ADAMTSL3: variants seen among roughly 807,000 people sequenced by gnomAD.
ADAMTSL3 encodes the protein ADAMTS like 3, also known as ADAMTS-like protein 3.
In ADAMTSL3, 128 loss-of-function variants were observed where a neutral mutation model predicts 201.7. The observed-to-expected ratio is 0.63, with a 90% CI of 0.55 to 0.73. The LOEUF (loss-of-function observed/expected upper bound fraction) is 0.73, where lower values mean the gene tolerates loss of function less well. ADAMTSL3 is among the 30% of genes least tolerant of loss of function. ADAMTSL3 has a pLI of 0.00. For missense variants in ADAMTSL3, 1,990 were observed against 2,119.6 expected (o/e 0.94, Z 1.20); for synonymous variants, 738 against 748.4 (o/e 0.99, Z 0.23).
intron 27 of ADAMTSL3, 71 bp downstream of exon 27, chr15:84,025,507 GT>G: frequency 6.9e-7 from 1 of 1,452,922 alleles, no homozygotes; most frequent in Non-Finnish European, 9.3e-7. Flanking sequence ...TAATCACCTT[GT>G]TTCCAATAAA....
chr15:84,021,246 GA>G (rs2141911843), intron 25 of ADAMTSL3, among the ~76,000 whole-genome samples, 163 bp from the exon 26 acceptor site: 1 of 152,316 alleles, frequency 6.6e-6, no homozygotes, highest in South Asian at 2.1e-4. Context: ...TTAGTTGAGG[GA>G]AAATAAGATT....
intron 4 of ADAMTSL3, among the ~76,000 whole-genome samples, chr15:83,785,030 C>T (rs1020462171): frequency 6.6e-6 from 1 of 152,060 alleles, no homozygotes; most frequent in East Asian, 1.9e-4. Context: ...CTTTGAGTCC[C>T]CATTTCTTCC....
chr15:84,021,535 C>A lies in ADAMTSL3; in HGVS notation c.4399C>A (p.His1467Asn). ...GGAAGTGAGTGAGGCCCTGTGTGATCACCTCCAGAAGCCACTGGCTGGGTT... is the reference window on the plus strand; with the variant it reads ...GGAAGTGAGTGAGGCCCTGTGTGATAACCTCCAGAAGCCACTGGCTGGGTT... Reference protein sequence around the residue: ...GQEVSEALCDHLQKPLAGFEP... With the variant: ...GQEVSEALCDNLQKPLAGFEP... The change falls in exon 26 of 30, where the codon CAC (histidine) becomes AAC (asparagine). Residue 1467 changes from histidine to asparagine, a missense_variant. Physicochemically the swap from His to Asn is moderately conservative, Grantham distance 68. Transcript: ENST00000286744. The A allele has an allele frequency of 6.2e-7, 1 of 1,614,182 alleles. No homozygotes were observed. Among genetic ancestry groups the A allele is most frequent in the Non-Finnish European group, 8.5e-7 (1 of 1,180,020 alleles).
At chr15:83,880,126 C>G (rs2065243455) in intron 9 of ADAMTSL3, among the ~76,000 whole-genome samples, 1 of 151,938 alleles carries the variant, frequency 6.6e-6, no homozygotes, top group Admixed American at 6.6e-5. Flanking sequence ...TGCCTTTCTT[C>G]AGCTTGAGGT....
intron 4 of ADAMTSL3, among the ~76,000 whole-genome samples, chr15:83,796,159 T>C (rs2063422629): frequency 6.6e-6 from 1 of 152,170 alleles, no homozygotes; most frequent in African/African-American, 2.4e-5. Context: ...ATGCCCACTG[T>C]CATTGCTTGT....
At chr15:83,739,511 C>T (rs2062421216) in intron 3 of ADAMTSL3, among the ~76,000 whole-genome samples, 1 of 151,168 alleles carries the variant, frequency 6.6e-6, no homozygotes, top group Admixed American at 6.6e-5. Context: ...ATAAGATATA[C>T]ATGAAACATA....
intron 19 of ADAMTSL3, among the ~76,000 whole-genome samples, chr15:83,963,107 C>G (rs1160686742): frequency 6.6e-6 from 1 of 152,202 alleles, no homozygotes; most frequent in Admixed American, 6.5e-5. Flanking sequence ...GGGCAGACAT[C>G]AAGCTAGCTG....
At chr15:83,826,170 G>A (rs2064017518) in intron 6 of ADAMTSL3, among the ~76,000 whole-genome samples, 1 of 152,068 alleles carries the variant, frequency 6.6e-6, no homozygotes, top group African/African-American at 2.4e-5. Flanking sequence ...TAATGGTGTG[G>A]TTACAGCTCA....
chr15:83,970,228 G>A (rs2067168153), intron 19 of ADAMTSL3, among the ~76,000 whole-genome samples: 2 of 151,908 alleles, frequency 1.3e-5, no homozygotes, highest in Admixed American at 1.3e-4. Flanking sequence ...TGGAAGGAGG[G>A]GGAGGGCGGT....
At chr15:83,903,954 A>AGGAGGG (rs1258829960) in intron 15 of ADAMTSL3, among the ~76,000 whole-genome samples, 3 of 57,632 alleles carry the variant, frequency 5.2e-5, no homozygotes, top group African/African-American at 3.1e-4. Context: ...AGAAAAAAGA[A>AGGAGGG]AGAAAGAAAG....
intron 3 of ADAMTSL3, among the ~76,000 whole-genome samples, chr15:83,729,076 G>A (rs1180212135): frequency 6.6e-6 from 1 of 152,038 alleles, no homozygotes; most frequent in Non-Finnish European, 1.5e-5. Flanking sequence ...CATATGTGAT[G>A]TTACTCTCTC....
intron 3 of ADAMTSL3, among the ~76,000 whole-genome samples, chr15:83,767,683 A>G (rs896203052): frequency 6.6e-6 from 1 of 152,120 alleles, no homozygotes; most frequent in African/African-American, 2.4e-5. Context: ...TACAGGTTCC[A>G]CCCTGCCGGA....
chr15:84,030,460 G>A (rs62026483), intron 27 of ADAMTSL3, among the ~76,000 whole-genome samples: 34,706 of 152,078 alleles, frequency 0.23, 4,017 homozygotes, highest in Non-Finnish European at 0.24. Context: ...GCCTTGTATG[G>A]GGCCTATAGT....
intron 11 of ADAMTSL3, among the ~76,000 whole-genome samples, chr15:83,890,480 AT>A (rs1382118624): frequency 1.3e-5 from 2 of 152,190 alleles, no homozygotes; most frequent in Non-Finnish European, 2.9e-5. Context: ...TTTTTTTATA[AT>A]GAACCCTTTT....
rs762820119 is a variant in ADAMTSL3 at position 84,014,516 on chromosome 15, T to G, written c.3974-26T>G. The G allele has an allele frequency of 3.1e-6, 5 of 1,603,446 alleles. No individual in the cohort carries two copies. The African/African-American group carries it at 6.7e-5, about 22-fold the overall frequency. On this transcript the variant is annotated intron_variant, in intron 23 of 29. Coordinates refer to ENST00000286744, the MANE Select transcript of ADAMTSL3 (RefSeq NM_207517.3). ...GGCCCTGTTCTTAAAGGAATTGCCT[T>G]TGTCATATTTGTTTTTGTTCCAAAG...
intron 7 of ADAMTSL3, among the ~76,000 whole-genome samples, chr15:83,844,917 C>T (rs1485939415): frequency 6.6e-6 from 1 of 152,194 alleles, no homozygotes. Flanking sequence ...CTCTCCAAAG[C>T]CTTTAAAGCC....
chr15:83,683,415 A>G (rs2061499087), intron 2 of ADAMTSL3, among the ~76,000 whole-genome samples: 1 of 152,038 alleles, frequency 6.6e-6, no homozygotes, highest in African/African-American at 2.4e-5. Context: ...CAATCCTCCC[A>G]CTGGCATACA....
chr15:83,736,822 T>G (rs7169595), intron 3 of ADAMTSL3, among the ~76,000 whole-genome samples: 3 of 151,918 alleles, frequency 2.0e-5, no homozygotes, highest in Non-Finnish European at 4.4e-5. Context: ...AACATATTCT[T>G]CCAGACCATA....
intron 3 of ADAMTSL3, among the ~76,000 whole-genome samples, chr15:83,712,457 G>T (rs1019668): frequency 0.64 from 96,946 of 152,062 alleles, 33,367 homozygotes; most frequent in East Asian, 0.89. Context: ...TGACCTTCTT[G>T]GAGTCCCTAC....
Sources: allele counts gnomAD v4.1 joint callset (sites outside exome capture counted in the v4.1 genomes callset), GRCh38; gene constraint gnomAD v4.1.1; transcripts MANE v1.5; gene names NCBI Gene and HGNC (gene_info 2026-07-23, HGNC 2026-07-21).